The following RBFOX1 variants were observed in gnomAD, a reference collection of about 807,000 sequenced individuals.
RBFOX1 encodes the protein RNA binding protein fox-1 homolog 1.
A neutral mutation model predicts 57.7 loss-of-function variants in RBFOX1; 8 were observed. The ratio of observed to expected loss-of-function variants is 0.14; its 90% CI spans 0.08 to 0.25. The LOEUF is 0.25. RBFOX1 is among the 10% of genes least tolerant of loss of function. RBFOX1 has a pLI of 1.00. For missense variants in RBFOX1, 611 were observed against 548.5 expected (o/e 1.11, Z -1.14); for synonymous variants, 326 against 222.4 (o/e 1.47, Z -4.15).
intron 2 of RBFOX1, among the ~76,000 whole-genome samples, chr16:5,508,023 AG>A (rs2043438700): frequency 6.6e-6 from 1 of 152,184 alleles, no homozygotes; most frequent in African/African-American, 2.4e-5. Flanking sequence ...GTGTCCCATC[AG>A]GAGTGGGGAA....
chr16:6,594,811 C>G (rs148067315), intron 2 of RBFOX1, among the ~76,000 whole-genome samples: 1 of 152,048 alleles, frequency 6.6e-6, no homozygotes, highest in Non-Finnish European at 1.5e-5. Context: ...GTTTTTGAGA[C>G]GGAGTCTCAT....
chr16:6,926,727 T>C (rs1157100854), intron 3 of RBFOX1, among the ~76,000 whole-genome samples: 1 of 152,176 alleles, frequency 6.6e-6, no homozygotes, highest in Non-Finnish European at 1.5e-5. Flanking sequence ...GTTCAAGAAC[T>C]GGTGAAAGAG....
At chr16:6,749,813 A>G (rs1603523886) in intron 3 of RBFOX1, among the ~76,000 whole-genome samples, 1 of 152,204 alleles carries the variant, frequency 6.6e-6, no homozygotes, top group South Asian at 2.1e-4. Flanking sequence ...GCGATGTAAA[A>G]TGTTTTTATT....
At chr16:6,581,493 T>C (rs2097537005) in intron 2 of RBFOX1, among the ~76,000 whole-genome samples, 1 of 152,214 alleles carries the variant, frequency 6.6e-6, no homozygotes, top group Non-Finnish European at 1.5e-5. Context: ...CATGCAGACC[T>C]CTACCCTGGG....
intron 11 of RBFOX1, among the ~76,000 whole-genome samples, chr16:7,652,134 G>C (rs2065197785): frequency 6.6e-6 from 1 of 152,146 alleles, no homozygotes; most frequent in Non-Finnish European, 1.5e-5. Context: ...CTGCTACTTA[G>C]TGAGATGGGA....
intron 1 of RBFOX1, among the ~76,000 whole-genome samples, chr16:5,389,157 C>G (rs1040886968): frequency 5.3e-5 from 8 of 151,432 alleles, no homozygotes; most frequent in African/African-American, 1.9e-4. Flanking sequence ...CGCCACTGCA[C>G]TCCAGCCTGG....
chr16:7,478,515 C>G (rs1199049828), intron 4 of RBFOX1, among the ~76,000 whole-genome samples: 1 of 152,174 alleles, frequency 6.6e-6, no homozygotes, highest in East Asian at 1.9e-4. Flanking sequence ...GGGGGAGTCC[C>G]TGGTACCATG....
intron 5 of RBFOX1, among the ~76,000 whole-genome samples, chr16:7,543,250 C>G (rs1321101279): frequency 6.6e-6 from 1 of 152,222 alleles, no homozygotes; most frequent in Non-Finnish European, 1.5e-5. Context: ...GCAAGTCTTA[C>G]AAATCTGGCC....
chr16:6,241,610 C>G (rs560553794), intron 1 of RBFOX1, among the ~76,000 whole-genome samples: 2 of 152,182 alleles, frequency 1.3e-5, no homozygotes, highest in East Asian at 3.9e-4. Flanking sequence ...TAGAATGCTC[C>G]CAAAGACGTG....
intron 3 of RBFOX1, among the ~76,000 whole-genome samples, chr16:6,821,786 G>A (rs892547173): frequency 6.6e-6 from 1 of 152,098 alleles, no homozygotes; most frequent in Non-Finnish European, 1.5e-5. Flanking sequence ...TAGACATTTG[G>A]GTTGTTTCCA....
At chr16:7,586,847 T>G (rs2094152353) in intron 6 of RBFOX1, among the ~76,000 whole-genome samples, 1 of 152,216 alleles carries the variant, frequency 6.6e-6, no homozygotes, top group Non-Finnish European at 1.5e-5. Context: ...CATCACATTC[T>G]CACTGGACAT....
At chr16:5,877,552 C>T (rs2057646107) in intron 4 of RBFOX1, among the ~76,000 whole-genome samples, 1 of 152,212 alleles carries the variant, frequency 6.6e-6, no homozygotes, top group Non-Finnish European at 1.5e-5. Flanking sequence ...TGGGGCTTAG[C>T]CGAAGAGGGT....
chr16:6,237,367 T>G (rs1437521986), intron 1 of RBFOX1, among the ~76,000 whole-genome samples: 1 of 152,144 alleles, frequency 6.6e-6, no homozygotes, highest in East Asian at 1.9e-4. Flanking sequence ...TATGGCCAGG[T>G]CTGACCCTAT....
intron 4 of RBFOX1, among the ~76,000 whole-genome samples, chr16:7,187,024 A>T (rs567421799): frequency 9.0e-4 from 136 of 150,418 alleles, no homozygotes; most frequent in African/African-American, 3.0e-3. Context: ...AAAAATTCAG[A>T]AATTAGCTGG....
At chr16:6,890,606 G>C (rs541180431) in intron 3 of RBFOX1, among the ~76,000 whole-genome samples, 2 of 152,270 alleles carry the variant, frequency 1.3e-5, no homozygotes, top group South Asian at 2.1e-4. Flanking sequence ...CATTGCTTTG[G>C]TTATCGTTTA....
At chr16:6,952,415 G>A (rs986302024) in intron 3 of RBFOX1, among the ~76,000 whole-genome samples, 2 of 152,168 alleles carry the variant, frequency 1.3e-5, no homozygotes, top group African/African-American at 4.8e-5. Context: ...GTGAGGCCAA[G>A]GCAGGAGGAT....
intron 2 of RBFOX1, among the ~76,000 whole-genome samples, chr16:6,318,372 G>A (rs536277235): frequency 5.2e-4 from 79 of 152,202 alleles, no homozygotes; most frequent in Non-Finnish European, 8.8e-4. Flanking sequence ...AAAGGTGGGG[G>A]CTGTTTGGCA....
chr16:7,095,812 A>T (rs2061595117), intron 4 of RBFOX1, among the ~76,000 whole-genome samples: 1 of 152,062 alleles, frequency 6.6e-6, no homozygotes. Flanking sequence ...GGAGATCGAG[A>T]CCATCCTGGC....
chr16:5,912,101 A>T (rs1312879371), intron 4 of RBFOX1, among the ~76,000 whole-genome samples: 1 of 152,046 alleles, frequency 6.6e-6, no homozygotes, highest in Non-Finnish European at 1.5e-5. Context: ...ACAAATAAGC[A>T]TTTGGGGATT....
Sources: allele counts gnomAD v4.1 joint callset (sites outside exome capture counted in the v4.1 genomes callset), GRCh38; gene constraint gnomAD v4.1.1; transcripts MANE v1.5; gene names NCBI Gene and HGNC (gene_info 2026-07-23, HGNC 2026-07-21).